The following BEST4 variants were observed in gnomAD, a reference collection of about 807,000 sequenced individuals.
The protein encoded by BEST4 is bestrophin 4, also known as bestrophin-4.
Under a neutral mutation model 47.1 loss-of-function variants are expected in BEST4, and 36 were observed. The ratio of observed to expected loss-of-function variants is 0.76; its 90% CI spans 0.59 to 1.01. The LOEUF is 1.01. BEST4 is among the 50% of genes least tolerant of loss of function. BEST4 has a pLI of 0.00. For missense variants in BEST4, 550 were observed against 648.6 expected, an observed-to-expected ratio of 0.85 and a Z score of 1.65; for synonymous variants, 250 against 277.8, an observed-to-expected ratio of 0.90 and a Z score of 1.00.
upstream of BEST4, among the ~76,000 whole-genome samples, chr1:44,789,386 ACT>A (rs1216438397): frequency 1.9e-3 from 233 of 124,574 alleles, 1 homozygote; most frequent in African/African-American, 7.1e-3. Flanking sequence ...GGTGACAGAG[ACT>A]CTGTCTCAAA....
At chr1:44,783,081 A>G (rs532460009), downstream of BEST4, among the ~76,000 whole-genome samples, 1 of 152,186 alleles carries the variant, frequency 6.6e-6, no homozygotes, top group African/African-American at 2.4e-5. Flanking sequence ...CAGCCTCCCA[A>G]GAAGCTGGGA....
chr1:44,782,415 G>C (rs1651066633), downstream of BEST4, among the ~76,000 whole-genome samples: 1 of 151,836 alleles, frequency 6.6e-6, no homozygotes, highest in African/African-American at 2.4e-5. Flanking sequence ...ATCACCTGAG[G>C]TAAGGAGTTA....
rs1251256667 is a variant in BEST4 at position 44,784,161 on chromosome 1, G to A, written c.*49C>T. 3 of 1,368,786 alleles carry A rather than the reference G, an allele frequency of 2.2e-6. No homozygotes were observed. The highest frequency in any genetic ancestry group is 3.4e-5 in the South Asian group (2 of 58,844). 84.8% of individuals were successfully genotyped at this position (1,368,786 alleles called of 1,614,324 possible). The stretch of plus-strand genomic sequence containing the variant: ...CTGGCTGGCAGGACCGGGCACGGGA[G>A]GGAAGGAGGGCAGTGGGTGGGGGAA... On this transcript the variant is annotated 3_prime_UTR_variant, in exon 9 of 9. Transcript: ENST00000372207. The surrounding 1 kb of genome is among the most constrained non-coding windows in gnomAD (Gnocchi z 6.2).
At position 44,784,766 on chromosome 1, in the gene BEST4, C is replaced by T. The variant is rs1651160072; in HGVS notation, c.1011G>A (p.Val337=). 4 of 1,594,364 alleles carry T rather than the reference C, an allele frequency of 2.5e-6. No homozygotes were observed. Among genetic ancestry groups the T allele is most frequent in the Non-Finnish European group, 3.4e-6 (4 of 1,169,290 alleles). The change falls in exon 8 of 9, where the codon GTG becomes GTA. Residue 337 remains valine, a synonymous_variant. Transcript: ENST00000372207. The surrounding 1 kb of genome is among the most constrained non-coding windows in gnomAD (Gnocchi z 6.2). ...GGGGAAGGTTCTGGTACATTTCGTCCACGGATAGCAGGGACACCTGGGCCA... is the reference window on the plus strand; with the variant it reads ...GGGGAAGGTTCTGGTACATTTCGTCTACGGATAGCAGGGACACCTGGGCCA... ...DRNLQVSLLS[V]DEMYQNLPPA...
chr1:44,792,560 C>T (rs12072767), upstream of BEST4, among the ~76,000 whole-genome samples: 16,075 of 152,036 alleles, frequency 0.11, 2,651 homozygotes, highest in African/African-American at 0.35. Flanking sequence ...GAAGTGCTAC[C>T]GTGGCTATCA....
intron 4 of BEST4, 136 bp downstream of exon 4, chr1:44,785,938 A>G: frequency 9.0e-7 from 1 of 1,114,116 alleles, no homozygotes; most frequent in Non-Finnish European, 1.3e-6. Flanking sequence ...GGGATGAATG[A>G]GTTAACATGG....
chr1:44,792,521 A>C (rs530694198), upstream of BEST4, among the ~76,000 whole-genome samples: 1 of 152,120 alleles, frequency 6.6e-6, no homozygotes, highest in Non-Finnish European at 1.5e-5. Flanking sequence ...TAATAGTATA[A>C]AGTGCTCACA....
Position 44,784,177 on chromosome 1 carries a change from G to C in BEST4, c.*33C>G. The C allele has an allele frequency of 7.2e-7, 1 of 1,385,576 alleles. No individual in the cohort carries two copies. Among genetic ancestry groups the C allele is most frequent in the Non-Finnish European group, 9.3e-7 (1 of 1,079,912 alleles). 85.8% of individuals were successfully genotyped at this position (1,385,576 alleles called of 1,614,324 possible). A position where few individuals can be genotyped will look rare whatever the true frequency, so the allele number is the denominator to read the frequency against. On this transcript the variant is annotated 3_prime_UTR_variant, in exon 9 of 9. Coordinates refer to ENST00000372207, the MANE Select transcript of BEST4 (RefSeq NM_153274.3). The surrounding 1 kb of genome is among the most constrained non-coding windows in gnomAD (Gnocchi z 6.2). ...GGCACGGGAGGGAAGGAGGGCAGTGGGTGGGGGAAACCGGGCGGGGGCAGG... is the reference window on the plus strand; with the variant it reads ...GGCACGGGAGGGAAGGAGGGCAGTGCGTGGGGGAAACCGGGCGGGGGCAGG...
At position 44,784,183 on chromosome 1, in the gene BEST4, G is replaced by T; in HGVS notation, c.*27C>A. Reference sequence around the variant, plus strand: ...GGAGGGAAGGAGGGCAGTGGGTGGGGGAAACCGGGCGGGGGCAGGCGAGAC... The same window carrying T: ...GGAGGGAAGGAGGGCAGTGGGTGGGTGAAACCGGGCGGGGGCAGGCGAGAC... On this transcript the variant is annotated 3_prime_UTR_variant, in exon 9 of 9. Coordinates refer to ENST00000372207, the MANE Select transcript of BEST4 (RefSeq NM_153274.3). This position sits in a 1 kb window ranked among gnomAD's most constrained non-coding sequence, Gnocchi z 6.2. The T allele has an allele frequency of 7.2e-7, 1 of 1,387,434 alleles. No individual in the cohort carries two copies. The highest frequency in any genetic ancestry group is 1.6e-5 in the South Asian group (1 of 61,308). The allele number at this position is 1,387,434 out of a possible 1,614,324, so 85.9% of individuals were successfully genotyped here.
chr1:44,786,174 T>G lies in BEST4; in HGVS notation c.536A>C (p.Asn179Thr). The part of the protein sequence containing the change: ...KKFESLKSDF[N>T]KYWVPCVWFT... ...CCAGACGCAGGGGACCCAGTACTTG[T>G]TGAAGTCGGATTTCAGGCTCTCAAA... is the stretch of plus-strand genomic sequence containing the variant. The change falls in exon 4 of 9, where the codon AAC becomes ACC. Residue 179 changes from asparagine (N) to threonine (T), a missense_variant. Asn to Thr is a moderately conservative substitution (Grantham distance 65, BLOSUM62 0). Coordinates refer to ENST00000372207, the MANE Select transcript of BEST4 (RefSeq NM_153274.3). The surrounding 1 kb of genome is among the most constrained non-coding windows in gnomAD (Gnocchi z 4.9). 6.2e-7 allele frequency: 1 copy of G among 1,614,132 alleles called. No homozygotes were observed. The highest frequency in any genetic ancestry group is 1.1e-5 in the South Asian group (1 of 91,082).
At chr1:44,782,486 C>T (rs563825138), downstream of BEST4, among the ~76,000 whole-genome samples, 20 of 151,704 alleles carry the variant, frequency 1.3e-4, no homozygotes, top group African/African-American at 4.3e-4. Flanking sequence ...AAAAATTAGC[C>T]GGGCGTGGTG....
chr1:44,786,492 A>T lies in BEST4; in HGVS notation c.452T>A (p.Phe151Tyr), dbSNP rs888403850. 4 of 1,538,706 alleles carry T rather than the reference A, an allele frequency of 2.6e-6. No homozygotes were observed. The highest frequency in any genetic ancestry group is 3.5e-6 in the Non-Finnish European group (4 of 1,141,596). ...GTCCACCACGTGCTCCATGGTGGGG[A>T]AGCGCTTAAGCACGCGGGTGCTGAC... ...RSVSTRVLKR[F>Y]PTMEHVVDAG... Residue 151 changes from phenylalanine (F) to tyrosine (Y), a missense_variant, in exon 3 of 9, where the codon TTC becomes TAC. Physicochemically the swap from Phe to Tyr is conservative, Grantham distance 22. Around this residue, in one of 3 missense-constraint regions of BEST4, gnomAD observed 291 missense variants for 342.4 expected, o/e 0.85. Coordinates refer to ENST00000372207, the MANE Select transcript of BEST4 (RefSeq NM_153274.3). This position sits in a 1 kb window ranked among gnomAD's most constrained non-coding sequence, Gnocchi z 4.9.
upstream of BEST4, among the ~76,000 whole-genome samples, chr1:44,789,261 AAAG>A (rs1651345606): frequency 9.3e-5 from 11 of 118,866 alleles, no homozygotes; most frequent in Admixed American, 2.6e-4. Context: ...AAAAAAAAGA[AAAG>A]AAAGAAAGAA....
At chr1:44,782,280 C>G (rs974513731), downstream of BEST4, among the ~76,000 whole-genome samples, 5 of 151,358 alleles carry the variant, frequency 3.3e-5, no homozygotes, top group Admixed American at 1.3e-4. Context: ...GAATGGCCAT[C>G]ATTGTGGGGT....
chr1:44,784,804 A>G lies in BEST4; in HGVS notation c.994-21T>C. On this transcript the variant is annotated intron_variant, in intron 7 of 8. Coordinates refer to ENST00000372207, the MANE Select transcript of BEST4 (RefSeq NM_153274.3). This position sits in a 1 kb window ranked among gnomAD's most constrained non-coding sequence, Gnocchi z 6.2. ...GACACCTGGGCCACCAGCAAGTTAC[A>G]AGGATCCTCCTCTCCTCTCCTTCCC... The G allele has an allele frequency of 1.3e-6, 2 of 1,594,104 alleles. No individual in the cohort carries two copies. The highest frequency in any genetic ancestry group is 2.7e-5 in the African/African-American group (2 of 74,630).
chr1:44,784,370 G>C lies in BEST4; in HGVS notation c.1262C>G (p.Pro421Arg). Residue 421 changes from proline to arginine, a missense_variant, in exon 9 of 9, where the codon CCC becomes CGC. Transcript: ENST00000372207. This position sits in a 1 kb window ranked among gnomAD's most constrained non-coding sequence, Gnocchi z 6.2. ...GTTCCGGAGGCTGATGGCCGGGGAG[G>C]GCGCCCCTACGCCCAGGAAGCGGCC... ...LLGRFLGVGA[P>R]SPAISLRNFG... 5 of 1,390,946 alleles carry C rather than the reference G, an allele frequency of 3.6e-6. No individual in the cohort carries two copies. 86.2% of individuals were successfully genotyped at this position (1,390,946 alleles called of 1,614,324 possible).
downstream of BEST4, among the ~76,000 whole-genome samples, chr1:44,783,166 G>C (rs1651090843): frequency 6.6e-6 from 1 of 152,160 alleles, no homozygotes; most frequent in Admixed American, 6.6e-5. Context: ...CGTTGGCCAG[G>C]CTGGTCTTTA....
In BEST4 at chr1:44,785,148, G is replaced by A. The variant is rs752684505; in HGVS notation, c.872C>T (p.Thr291Ile). ...LGDPDMYVPL[T>I]TLLQFFFYAG... ...ATAGAAGAAGAACTGCAGCAGAGTG[G>A]TGAGAGGCACGTACATGTCCGGGTC... Residue 291 changes from threonine (T) to isoleucine (I), a missense_variant, in exon 6 of 9, where the codon ACC becomes ATC. Thr to Ile is a moderately conservative substitution (Grantham distance 89). This residue lies in a region of BEST4 where 255 missense variants were observed against 286.6 expected (regional missense o/e 0.89). Transcript: ENST00000372207. 24 of 1,614,068 alleles carry A rather than the reference G, an allele frequency of 1.5e-5. No homozygotes were observed. The Admixed American group carries it at 3.8e-4, about 26-fold the overall frequency.
upstream of BEST4, among the ~76,000 whole-genome samples, chr1:44,790,106 G>C (rs1651371931): frequency 2.0e-5 from 3 of 152,198 alleles, no homozygotes; most frequent in South Asian, 2.1e-4. Flanking sequence ...AAAGCACTGT[G>C]GGTGGTTGGC....
Sources: gnomAD v4.1 joint callset for allele counts (sites outside exome capture counted in the v4.1 genomes callset) on GRCh38, gnomAD v4.1.1 for gene constraint, gnomAD v4.1.1 regional missense constraint, Gnocchi (gnomAD v3.1) non-coding constraint, MANE v1.5 for transcripts, NCBI Gene and HGNC (gene_info 2026-07-23, HGNC 2026-07-21) for gene names.